Variants in PPOX observed in about 807,000 individuals in gnomAD.
PPOX encodes protoporphyrinogen oxidase, also known as variegate porphyria.
PPOX carries 23 observed loss-of-function variants against 54.1 expected under a neutral mutation model. That is an observed-to-expected ratio of 0.43 (90% confidence interval 0.31 to 0.60). PPOX has a LOEUF of 0.60. Among genes scored for constraint, PPOX ranks in the 20% least tolerant of loss-of-function variants. PPOX has a pLI of 0.13. For missense variants in PPOX, 512 were observed against 601.1 expected, an observed-to-expected ratio of 0.85 and a Z score of 1.55; for synonymous variants, 224 against 236.1, an observed-to-expected ratio of 0.95 and a Z score of 0.47.
In PPOX at chr1:161,167,303, G is replaced by T; in HGVS notation, c.223-68G>T. 2.5e-6 allele frequency: 4 copies of T among 1,614,150 alleles called. No individual in the cohort carries two copies. The South Asian group carries it at 3.3e-5, about 13-fold the overall frequency. ...TTCCATTGGGGAATAGAGTTTAGGG[G>T]AGGAAGTATGTTTGGTGGGTCAGAT... On this transcript the variant is annotated intron_variant, in intron 3 of 12. Transcript: ENST00000367999.
downstream of PPOX, chr1:161,174,870 C>A (rs1046065428): frequency 1.5e-5 from 16 of 1,055,280 alleles, no homozygotes; most frequent in Admixed American, 4.0e-4. Context: ...TGCTTCTCCA[C>A]ACTCTAACAG....
chr1:161,176,302 C>T (rs377658260), intron 4 of PPOX: 4 of 582,840 alleles, frequency 6.9e-6, no homozygotes, highest in South Asian at 6.3e-5. Flanking sequence ...CTACCTCCCC[C>T]CAAACCACTC....
At chr1:161,171,647 C>A (rs1661468954), downstream of PPOX, 2 of 918,676 alleles carry the variant, frequency 2.2e-6, no homozygotes, top group Non-Finnish European at 3.2e-6. Flanking sequence ...CCCCTCAGGT[C>A]TACAGGAGCC....
At chr1:161,175,322 G>C, downstream of PPOX, 2 of 1,115,300 alleles carry the variant, frequency 1.8e-6, no homozygotes, top group Non-Finnish European at 2.6e-6. Context: ...TGGCAGTCTG[G>C]TTCTGGGGCT....
chr1:161,171,454 GAATA>G (rs1379369667), downstream of PPOX: 19 of 602,968 alleles, frequency 3.2e-5, no homozygotes, highest in East Asian at 3.8e-4. Context: ...ACCATAAATA[GAATA>G]AATATTCACA....
chr1:161,171,748 A>T, downstream of PPOX: 1 of 1,567,932 alleles, frequency 6.4e-7, no homozygotes, highest in Non-Finnish European at 8.7e-7. Context: ...AACAGTGAGG[A>T]GCTGAGGGTG....
At chr1:161,175,935 C>T, downstream of PPOX, 1 of 1,614,158 alleles carries the variant, frequency 6.2e-7, no homozygotes, top group South Asian at 1.1e-5. Context: ...ATGTCGGTCC[C>T]TGATCTCGGC....
At chr1:161,176,661 C>T (rs1472589903) in intron 4 of PPOX, 1 of 593,058 alleles carries the variant, frequency 1.7e-6, no homozygotes. Flanking sequence ...TCCCAGCAGG[C>T]GAAGTGAAGG....
upstream of PPOX, chr1:161,166,006 A>G: frequency 1.3e-6 from 1 of 798,320 alleles, no homozygotes; most frequent in Non-Finnish European, 1.5e-6. Flanking sequence ...AACACTGGGT[A>G]CGTTGCCGGG....
Position 161,166,635 on chromosome 1 carries a change from C to G in PPOX, c.-46C>G, listed in dbSNP as rs546453500. 1 of 1,467,334 alleles carries G rather than the reference C, an allele frequency of 6.8e-7. No individual in the cohort carries two copies. Among genetic ancestry groups the G allele is most frequent in the East Asian group, 2.5e-5 (1 of 40,202 alleles). 90.9% of individuals were successfully genotyped at this position (1,467,334 alleles called of 1,614,324 possible). A position where few individuals can be genotyped will look rare whatever the true frequency, so the allele number is the denominator to read the frequency against. On this transcript the variant is annotated 5_prime_UTR_variant, in exon 1 of 13. Coordinates refer to ENST00000367999, the MANE Select transcript of PPOX (RefSeq NM_001122764.3). Reference sequence around the variant, plus strand: ...GGGTACGGTCTTAGGACCTCGATCTCCTTCTCCCTCATTTTCTCTCATCCC... The same window carrying G: ...GGGTACGGTCTTAGGACCTCGATCTGCTTCTCCCTCATTTTCTCTCATCCC...
At position 161,166,548 on chromosome 1, in the gene PPOX, G is replaced by C; in HGVS notation, c.-133G>C. 1 of 1,385,078 alleles carries C rather than the reference G, an allele frequency of 7.2e-7. No individual in the cohort carries two copies. The highest frequency in any genetic ancestry group is 2.8e-5 in the East Asian group (1 of 35,818). The allele number at this position is 1,385,078 out of a possible 1,614,324, so 85.8% of individuals were successfully genotyped here. A position where few individuals can be genotyped will look rare whatever the true frequency, so the allele number is the denominator to read the frequency against. On this transcript the variant is annotated 5_prime_UTR_variant, in exon 1 of 13. Transcript: ENST00000367999. ...AACTCAGGCGTACTGCCCGCCGCCC[G>C]AGCCCTGCGAGGGCCGATAGCGAGG...
downstream of PPOX, chr1:161,174,763 T>C: frequency 1.9e-6 from 1 of 534,990 alleles, no homozygotes; most frequent in Non-Finnish European, 3.3e-6. Context: ...AGCCATTCAA[T>C]AAAGAAAAAA....
chr1:161,166,085 T>C, upstream of PPOX: 1 of 985,276 alleles, frequency 1.0e-6, no homozygotes. Flanking sequence ...CGCCTCCCCG[T>C]GGACTGGCCT....
At chr1:161,171,374 G>C (rs1661373265), downstream of PPOX, 1 of 945,210 alleles carries the variant, frequency 1.1e-6, no homozygotes, top group Non-Finnish European at 1.6e-6. Flanking sequence ...AGGACCAGAA[G>C]AGGGAGCTAT....
chr1:161,166,051 A>C (rs769204766), upstream of PPOX: 33 of 974,518 alleles, frequency 3.4e-5, no homozygotes, highest in Non-Finnish European at 3.9e-5. Context: ...TCTGTTGCTA[A>C]CATCAAGGAG....
At chr1:161,177,867 C>G (rs919793173), downstream of PPOX, 1 of 152,270 alleles carries the variant, frequency 6.6e-6, no homozygotes, top group African/African-American at 2.4e-5. Context: ...CAGTGGCACC[C>G]CCTGCAGCCT....
Position 161,167,405 on chromosome 1 carries a change from C to T in PPOX, c.257C>T (p.Pro86Leu). 1 of 1,613,962 alleles carries T rather than the reference C, an allele frequency of 6.2e-7. No individual in the cohort carries two copies. The highest frequency in any genetic ancestry group is 8.5e-7 in the Non-Finnish European group (1 of 1,180,014). The part of the protein sequence containing the change: ...SELGLDSEVL[P>L]VRGDHPAAQN... The stretch of plus-strand genomic sequence containing the variant: ...CTTGGCTTGGATTCAGAAGTGCTGC[C>T]TGTCCGGGGAGACCACCCAGCTGCC... Residue 86 changes from proline to leucine, a missense_variant, in exon 4 of 13, where the codon CCT (proline) becomes CTT (leucine). By Grantham distance (98) the Pro-to-Leu change is moderately conservative. Coordinates refer to ENST00000367999, the MANE Select transcript of PPOX (RefSeq NM_001122764.3).
chr1:161,175,045 TGCAGGTGGTAGAGCAGCAGGC>T (rs1308650298), downstream of PPOX: 1 of 1,613,728 alleles, frequency 6.2e-7, no homozygotes, highest in Admixed American at 1.7e-5. Context: ...CAAGAAGGGG[TGCAGGTGGTAGAGCAGCAGGC>T]GCAGGTGGTG....
In PPOX at chr1:161,169,060, A is replaced by G. The variant is rs771649689; in HGVS notation, c.684A>G (p.Ser228=). Residue 228 remains serine (S), a synonymous_variant, in exon 7 of 13, where the codon TCA becomes TCG. Coordinates refer to ENST00000367999, the MANE Select transcript of PPOX (RefSeq NM_001122764.3). The part of the protein sequence containing the change: ...QALAERWSQW[S]LRGGLEMLPQ... Reference sequence around the variant, plus strand: ...TGGCTGAGCGCTGGAGCCAGTGGTCACTTCGTGGAGGTCTAGAGATGTTGC... The same window carrying G: ...TGGCTGAGCGCTGGAGCCAGTGGTCGCTTCGTGGAGGTCTAGAGATGTTGC... The G allele has an allele frequency of 2.2e-5, 36 of 1,614,108 alleles. No individual in the cohort carries two copies. In the African/African-American group the frequency reaches 4.4e-4, roughly 20 times the overall value.
Sources: allele counts gnomAD v4.1 joint callset, GRCh38; gene constraint gnomAD v4.1.1; transcripts MANE v1.5; gene names NCBI Gene and HGNC (gene_info 2026-07-23, HGNC 2026-07-21).